The following SLC23A2 variants were observed in gnomAD, a reference collection of about 807,000 sequenced individuals.
SLC23A2 encodes solute carrier family 23 member 2, also known as Na(+)/L-ascorbic acid transporter 2.
A neutral mutation model predicts 73.3 loss-of-function variants in SLC23A2; 36 were observed. The ratio of observed to expected loss-of-function variants is 0.49; its 90% confidence interval spans 0.38 to 0.65. SLC23A2 has a LOEUF of 0.65. Ranked by LOEUF, SLC23A2 falls within the 30% of genes least tolerant of loss-of-function variation. The pLI, the probability that SLC23A2 is intolerant of heterozygous loss-of-function variation, is 0.00. For missense variants in SLC23A2, 507 were observed against 841.6 expected (o/e 0.60, Z 4.92); for synonymous variants, 343 against 327.3 (o/e 1.05, Z -0.52).
In SLC23A2 at chr20:4,883,282, T is replaced by C. The variant is rs909049990; in HGVS notation, c.824+360A>G. On this transcript the variant is annotated intron_variant, in intron 9 of 16. Coordinates refer to ENST00000338244, the MANE Select transcript of SLC23A2 (RefSeq NM_005116.6). This position sits in a 1 kb window ranked among gnomAD's most constrained non-coding sequence, Gnocchi z 4.5. ...AGATTCCTGCCACTCTGGAATATTT[T>C]TGAGTCTCATGATATAAAAATTTGG... is the stretch of plus-strand genomic sequence containing the variant. Among the ~76,000 whole-genome samples the C allele has an allele frequency of 6.6e-6, 1 of 152,172 alleles. No homozygotes were observed. The highest frequency in any genetic ancestry group is 1.5e-5 in the Non-Finnish European group (1 of 68,032).
chr20:4,853,297 T>C lies in SLC23A2; in HGVS notation c.*3675A>G, dbSNP rs1048361617. 7.9e-5 allele frequency: 12 copies of C among 152,670 alleles called. No homozygotes were observed. The highest frequency in any genetic ancestry group is 2.4e-4 in the African/African-American group (10 of 41,452). 9.5% of individuals were successfully genotyped at this position (152,670 alleles called of 1,614,324 possible). On this transcript the variant is annotated 3_prime_UTR_variant, in exon 17 of 17. Transcript: ENST00000338244. ...ATCCCCCAGGATGCTGCTGCTTCTC[T>C]GGCCAGATGGGTTCTGGAATGAGGC...
At chr20:4,991,919 G>A (rs143665127) in intron 1 of SLC23A2, among the ~76,000 whole-genome samples, 70 of 152,104 alleles carry the variant, frequency 4.6e-4, no homozygotes, top group African/African-American at 1.6e-3. Flanking sequence ...TTGACAGCCT[G>A]GCCAACATGG....
At chr20:4,935,472 C>G (rs748983824) in intron 2 of SLC23A2, among the ~76,000 whole-genome samples, 2 of 152,108 alleles carry the variant, frequency 1.3e-5, no homozygotes, top group Non-Finnish European at 2.9e-5. Context: ...GGGATCACTA[C>G]AACACTGCAA....
chr20:4,969,371 G>A (rs1247355084), intron 2 of SLC23A2, among the ~76,000 whole-genome samples: 1 of 152,126 alleles, frequency 6.6e-6, no homozygotes, highest in African/African-American at 2.4e-5. Flanking sequence ...TTCCAGGCAT[G>A]AGCCACTACA....
chr20:4,996,879 C>G (rs1568662441), intron 1 of SLC23A2, among the ~76,000 whole-genome samples: 1 of 151,952 alleles, frequency 6.6e-6, no homozygotes, highest in Non-Finnish European at 1.5e-5. Context: ...CAATGAGAAG[C>G]TCCCAAGATT....
intron 2 of SLC23A2, among the ~76,000 whole-genome samples, chr20:4,946,175 T>G (rs1426377663): frequency 6.6e-6 from 1 of 152,204 alleles, no homozygotes; most frequent in East Asian, 1.9e-4. Flanking sequence ...AGATAAAACC[T>G]GGATTTCTGA....
At chr20:4,935,730 T>C (rs189972903) in intron 2 of SLC23A2, among the ~76,000 whole-genome samples, 3,291 of 151,074 alleles carry the variant, frequency 0.022, 116 homozygotes, top group African/African-American at 0.074. Context: ...ACCTGGGAGG[T>C]GGAGCTTGCA....
intron 2 of SLC23A2, among the ~76,000 whole-genome samples, chr20:4,934,680 G>A (rs1262802292): frequency 6.6e-6 from 1 of 151,390 alleles, no homozygotes; most frequent in Non-Finnish European, 1.5e-5. Context: ...TGGCCAGCAC[G>A]GTGAAACCCC....
intron 1 of SLC23A2, among the ~76,000 whole-genome samples, chr20:4,988,856 A>G (rs1456315488): frequency 6.6e-6 from 1 of 152,036 alleles, no homozygotes. Context: ...AGTTGCAGTG[A>G]GCCAAGATTG....
At chr20:5,005,103 T>C (rs1397550488), upstream of SLC23A2, among the ~76,000 whole-genome samples, 1 of 151,300 alleles carries the variant, frequency 6.6e-6, no homozygotes, top group African/African-American at 2.4e-5. Context: ...GCCCTTAATC[T>C]CTAGTCTCGG....
chr20:5,009,911 T>C (rs992065730), intron 1 of SLC23A2, among the ~76,000 whole-genome samples: 6 of 151,644 alleles, frequency 4.0e-5, no homozygotes, highest in African/African-American at 1.2e-4. Context: ...CTGGCTAACG[T>C]GGTGAAACCC....
chr20:4,854,995 C>T lies in SLC23A2; in HGVS notation c.*1977G>A, dbSNP rs1568597112. 1 of 151,952 alleles carries T rather than the reference C, an allele frequency of 6.6e-6. No homozygotes were observed. Among genetic ancestry groups the T allele is most frequent in the Non-Finnish European group, 1.5e-5 (1 of 68,018 alleles). 9.4% of individuals were successfully genotyped at this position (151,952 alleles called of 1,614,324 possible). ...CAACTCATTGCAGGAGGGCTGCCAG[C>T]CTCAAGAGTGTCCCAAGGCAAGAGG... On this transcript the variant is annotated 3_prime_UTR_variant, in exon 17 of 17. Transcript: ENST00000338244.
At chr20:4,879,776 C>T (rs534243491) in intron 9 of SLC23A2, among the ~76,000 whole-genome samples, 3 of 152,302 alleles carry the variant, frequency 2.0e-5, no homozygotes, top group South Asian at 2.1e-4. Context: ...CTTGAAATGA[C>T]GCATTATGCC....
intron 6 of SLC23A2, among the ~76,000 whole-genome samples, chr20:4,889,812 A>C (rs367905194): frequency 3.3e-5 from 5 of 152,280 alleles, no homozygotes; most frequent in South Asian, 4.2e-4. Flanking sequence ...AATGAAATGA[A>C]GGAGCTATTT....
chr20:4,859,243 T>TAAAAAAAAAAAAAA, intron 16 of SLC23A2, 46 bp downstream of exon 16: 1 of 1,075,570 alleles, frequency 9.3e-7, no homozygotes, highest in Non-Finnish European at 1.3e-6. Flanking sequence ...AACACATATG[T>TAAAAAAAAAAAAAA]TAAAAAATAA....
At chr20:4,876,215 A>G (rs959329262) in intron 9 of SLC23A2, among the ~76,000 whole-genome samples, 2 of 152,194 alleles carry the variant, frequency 1.3e-5, no homozygotes, top group African/African-American at 2.4e-5. Flanking sequence ...AATAAATGCT[A>G]CTTATTTGTT....
rs571714052 is a variant in SLC23A2 at position 4,991,711 on chromosome 20, G to T, written c.-282+9695C>A. Among the ~76,000 whole-genome samples the T allele has an allele frequency of 3.0e-5, 4 of 135,028 alleles. No individual in the cohort carries two copies. In the South Asian group the frequency reaches 7.6e-4, roughly 26 times the overall value. 88.6% of individuals were successfully genotyped at this position (135,028 alleles called of 152,430 possible). A position where few individuals can be genotyped will look rare whatever the true frequency, so the allele number is the denominator to read the frequency against. The stretch of plus-strand genomic sequence containing the variant: ...CACTCCAGCCTGGGTGACAGAGAGA[G>T]ACTCCGTTTCACACACACACACACA... On this transcript the variant is annotated intron_variant, in intron 1 of 16. Coordinates refer to ENST00000338244, the MANE Select transcript of SLC23A2 (RefSeq NM_005116.6).
At chr20:4,903,647 A>G (rs1161510798) in intron 4 of SLC23A2, among the ~76,000 whole-genome samples, 3 of 152,190 alleles carry the variant, frequency 2.0e-5, no homozygotes, top group African/African-American at 7.2e-5. Flanking sequence ...GTTCACCCTC[A>G]CCTTTCACAG....
At chr20:4,870,440 G>C (rs1463497448) in intron 11 of SLC23A2, among the ~76,000 whole-genome samples, 2 of 152,136 alleles carry the variant, frequency 1.3e-5, no homozygotes. Context: ...AGCCAGGCGT[G>C]GGGGCATGTG....
Sources: gnomAD v4.1 joint callset for allele counts (sites outside exome capture counted in the v4.1 genomes callset) on GRCh38, gnomAD v4.1.1 for gene constraint, Gnocchi (gnomAD v3.1) non-coding constraint, MANE v1.5 for transcripts, NCBI Gene and HGNC (gene_info 2026-07-23, HGNC 2026-07-21) for gene names.